Variants in TRAK2 observed in about 807,000 individuals in gnomAD.
TRAK2 encodes trafficking kinesin protein 2, also known as trafficking kinesin-binding protein 2.
Under a neutral mutation model 104.6 loss-of-function variants are expected in TRAK2, and 81 were observed. The observed-to-expected ratio is 0.77, with a 90% CI of 0.65 to 0.93. The LOEUF is 0.93. Ranked by LOEUF, TRAK2 falls within the 40% of genes least tolerant of loss-of-function variation. The pLI is 0.00. For synonymous variants in TRAK2, 406 were observed against 394.4 expected (o/e 1.03, Z -0.35); for missense variants, 1,002 against 1,089.0 (o/e 0.92, Z 1.12).
intron 2 of TRAK2, among the ~76,000 whole-genome samples, chr2:201,415,091 G>A (rs1323256270): frequency 1.1e-5 from 1 of 94,214 alleles, no homozygotes; most frequent in East Asian, 2.5e-4. Context: ...TCCTCCAAAT[G>A]TCTCCTTCAT....
At chr2:201,428,024 T>C (rs1951805545) in intron 1 of TRAK2, among the ~76,000 whole-genome samples, 1 of 152,234 alleles carries the variant, frequency 6.6e-6, no homozygotes, top group South Asian at 2.1e-4. Flanking sequence ...GTTTGATTTT[T>C]TTCTTGTAAA....
intron 1 of TRAK2, among the ~76,000 whole-genome samples, chr2:201,424,249 G>A (rs1477923253): frequency 1.3e-5 from 2 of 152,196 alleles, no homozygotes; most frequent in Non-Finnish European, 2.9e-5. Context: ...CAAGAAGGGG[G>A]AAATGATCAT....
chr2:201,439,660 TG>T (rs1039830336), intron 1 of TRAK2, among the ~76,000 whole-genome samples: 6 of 151,892 alleles, frequency 4.0e-5, no homozygotes, highest in African/African-American at 1.4e-4. Context: ...GTAGCCAAGA[TG>T]GCAAAATAGA....
intron 1 of TRAK2, among the ~76,000 whole-genome samples, chr2:201,440,130 C>T (rs1013152126): frequency 2.0e-5 from 3 of 151,264 alleles, no homozygotes; most frequent in Non-Finnish European, 4.4e-5. Context: ...AAGAAAATAA[C>T]CCGCTCATAT....
chr2:201,406,706 C>T (rs1157638671), intron 3 of TRAK2, among the ~76,000 whole-genome samples: 1 of 152,174 alleles, frequency 6.6e-6, no homozygotes. Flanking sequence ...AGCTACTGTG[C>T]ACACAACATT....
intron 7 of TRAK2, among the ~76,000 whole-genome samples, chr2:201,397,145 C>A (rs1005826380): frequency 6.6e-6 from 1 of 152,162 alleles, no homozygotes; most frequent in African/African-American, 2.4e-5. Flanking sequence ...TCATTTAAGC[C>A]CTGGCTCTGC....
intron 2 of TRAK2, chr2:201,419,065 A>G (rs1485767155): frequency 1.3e-5 from 2 of 152,242 alleles, no homozygotes; most frequent in African/African-American, 4.8e-5. Context: ...TGATTTGAAT[A>G]AACAACTCAA....
Position 201,398,260 on chromosome 2 carries a change from G to C in TRAK2, c.575C>G (p.Ser192Cys), listed in dbSNP as rs770124280. 1.2e-6 allele frequency: 2 copies of C among 1,613,778 alleles called. No individual in the cohort carries two copies. Among genetic ancestry groups the C allele is most frequent in the Non-Finnish European group, 1.7e-6 (2 of 1,179,744 alleles). ...SEESETDSSCSTPLRFNESFS... is the reference protein window; with the variant it reads ...SEESETDSSCCTPLRFNESFS... ...GGACTCATTGAACCGAAGAGGTGTA[G>C]AACAGCTGGAATCAGTTTCACTTTC... The change falls in exon 6 of 16, where the codon TCT (serine) becomes TGT (cysteine). Residue 192 changes from serine (S) to cysteine (C), a missense_variant. By Grantham distance (112) the Ser-to-Cys change is moderately radical. Coordinates refer to ENST00000332624, the MANE Select transcript of TRAK2 (RefSeq NM_015049.3).
rs781059603 is a variant in TRAK2 at position 201,389,247 on chromosome 2, G to A, written c.1397+53C>T. ...TGCTGGAATGTGCGTATGTGAATCT[G>A]GTGCGGCAATGTGAAAAGAAATGCA... On this transcript the variant is annotated intron_variant, in intron 12 of 15. Transcript: ENST00000332624. 3.4e-5 allele frequency: 52 copies of A among 1,518,746 alleles called. No individual in the cohort carries two copies. In the Admixed American group the frequency reaches 4.2e-4, roughly 12 times the overall value. 94.1% of individuals were successfully genotyped at this position (1,518,746 alleles called of 1,614,324 possible). A position where few individuals can be genotyped will look rare whatever the true frequency, so the allele number is the denominator to read the frequency against.
chr2:201,380,288 T>C lies in TRAK2; in HGVS notation c.*255A>G, dbSNP rs566635422. 62 of 502,712 alleles carry C rather than the reference T, an allele frequency of 1.2e-4. No individual in the cohort carries two copies. Among genetic ancestry groups the C allele is most frequent in the Middle Eastern group, 1.0e-3 (2 of 1,918 alleles). The allele number at this position is 502,712 out of a possible 1,614,324, so 31.1% of individuals were successfully genotyped here. Reference sequence around the variant, plus strand: ...CTTTTTATGTTCAAGACAAGAAAACTCAACTGAAGGAGTATATTAAACCTT... The same window carrying C: ...CTTTTTATGTTCAAGACAAGAAAACCCAACTGAAGGAGTATATTAAACCTT... On this transcript the variant is annotated 3_prime_UTR_variant, in exon 16 of 16. Coordinates refer to ENST00000332624, the MANE Select transcript of TRAK2 (RefSeq NM_015049.3).
chr2:201,400,595 TAGAC>T (rs1183778109), intron 4 of TRAK2, among the ~76,000 whole-genome samples: 2 of 152,044 alleles, frequency 1.3e-5, no homozygotes, highest in East Asian at 3.9e-4. Context: ...AAAAATGCCA[TAGAC>T]AAAGTGAGCT....
intron 10 of TRAK2, among the ~76,000 whole-genome samples, chr2:201,390,311 A>G (rs2349079): frequency 0.57 from 85,567 of 150,426 alleles, 25,550 homozygotes; most frequent in South Asian, 0.69. Context: ...TTGGGAGGCC[A>G]AGGTGGGTGG....
intron 1 of TRAK2, among the ~76,000 whole-genome samples, chr2:201,439,043 C>T (rs1951899988): frequency 6.6e-6 from 1 of 152,168 alleles, no homozygotes; most frequent in South Asian, 2.1e-4. Flanking sequence ...AATCTCTATT[C>T]CAATAAATTA....
intron 10 of TRAK2, among the ~76,000 whole-genome samples, chr2:201,390,433 G>A (rs1271317491): frequency 6.7e-6 from 1 of 150,042 alleles, no homozygotes; most frequent in Non-Finnish European, 1.5e-5. Context: ...GTGTGCTGGC[G>A]GGCGCCTGTA....
At chr2:201,444,980 T>C (rs1951953679) in intron 1 of TRAK2, among the ~76,000 whole-genome samples, 1 of 152,194 alleles carries the variant, frequency 6.6e-6, no homozygotes, top group Admixed American at 6.5e-5. Context: ...CCTTCCTTTT[T>C]TGTGACTTGT....
At position 201,398,265 on chromosome 2, in the gene TRAK2, G is replaced by C. The variant is rs749310448; in HGVS notation, c.570C>G (p.Ser190Arg). The stretch of plus-strand genomic sequence containing the variant: ...CATTGAACCGAAGAGGTGTAGAACA[G>C]CTGGAATCAGTTTCACTTTCTTCAG... ...IASEESETDS[S>R]CSTPLRFNES... The change falls in exon 6 of 16, where the codon AGC (serine) becomes AGG (arginine). Residue 190 changes from serine to arginine, a missense_variant. Physicochemically the swap from Ser to Arg is moderately radical, Grantham distance 110. Transcript: ENST00000332624. The C allele has an allele frequency of 6.2e-7, 1 of 1,613,700 alleles. No individual in the cohort carries two copies. The highest frequency in any genetic ancestry group is 8.5e-7 in the Non-Finnish European group (1 of 1,179,724).
chr2:201,397,743 C>A, intron 6 of TRAK2, 163 bp from the exon 7 acceptor site: 1 of 573,358 alleles, frequency 1.7e-6, no homozygotes, highest in Non-Finnish European at 3.1e-6. Context: ...CTGGCCTTGG[C>A]TAAAATGATC....
intron 1 of TRAK2, among the ~76,000 whole-genome samples, chr2:201,441,738 C>T (rs1951925816): frequency 6.7e-6 from 1 of 149,906 alleles, no homozygotes; most frequent in Non-Finnish European, 1.5e-5. Flanking sequence ...GTCGACCAGG[C>T]AGGAGTGCAG....
intron 1 of TRAK2, among the ~76,000 whole-genome samples, chr2:201,450,300 A>G (rs1952016888): frequency 6.6e-6 from 1 of 152,010 alleles, no homozygotes; most frequent in Non-Finnish European, 1.5e-5. Flanking sequence ...CTGTAGTCCC[A>G]GCTACTCTGC....
Sources: gnomAD v4.1 joint callset for allele counts (sites outside exome capture counted in the v4.1 genomes callset) on GRCh38, gnomAD v4.1.1 for gene constraint, MANE v1.5 for transcripts, NCBI Gene and HGNC (gene_info 2026-07-23, HGNC 2026-07-21) for gene names.